Variants in EPN2 observed in about 807,000 individuals in gnomAD.
EPN2 encodes the protein epsin-2.
Under a neutral mutation model 61.7 loss-of-function variants are expected in EPN2, and 34 were observed. That is an observed-to-expected ratio of 0.55 (90% CI 0.42 to 0.73). The LOEUF (loss-of-function observed/expected upper bound fraction) is 0.73, where lower values mean the gene tolerates loss of function less well. EPN2 is among the 30% of genes least tolerant of loss of function. The pLI is 0.00. For missense variants in EPN2, 714 were observed against 839.2 expected (o/e 0.85, Z 1.84); for synonymous variants, 349 against 353.6 (o/e 0.99, Z 0.15).
At chr17:19,294,660 C>T (rs1240245322) in intron 4 of EPN2, among the ~76,000 whole-genome samples, 1 of 152,188 alleles carries the variant, frequency 6.6e-6, no homozygotes, top group African/African-American at 2.4e-5. Context: ...AAGGCAGTTC[C>T]TCATTTTGAC....
Position 19,329,616 on chromosome 17 carries a change from A to G in EPN2, c.1380A>G (p.Glu460=), listed in dbSNP as rs1379798379. The change falls in exon 9 of 11, where the codon GAA becomes GAG. Residue 460 remains glutamate (E), a synonymous_variant. Transcript: ENST00000314728. ...LNGTIKDDFS[E]FDNLRTSKKT... The stretch of plus-strand genomic sequence containing the variant: ...GTACAATTAAAGATGACTTTTCTGA[A>G]TTTGACAACCTTCGGACTTCAAAAA... 3 of 1,613,070 alleles carry G rather than the reference A, an allele frequency of 1.9e-6. No homozygotes were observed. The highest frequency in any genetic ancestry group is 2.5e-6 in the Non-Finnish European group (3 of 1,179,202).
intron 7 of EPN2, among the ~76,000 whole-genome samples, chr17:19,322,132 G>A (rs966527376): frequency 1.8e-4 from 28 of 152,224 alleles, no homozygotes; most frequent in African/African-American, 6.8e-4. Context: ...AAGACGAGGA[G>A]TGAAGTGTCA....
intron 7 of EPN2, among the ~76,000 whole-genome samples, chr17:19,324,481 G>C (rs1318013957): frequency 1.3e-5 from 2 of 152,156 alleles, no homozygotes; most frequent in Admixed American, 6.6e-5. Context: ...CTACGGGCAT[G>C]TGCTACCACG....
intron 1 of EPN2, among the ~76,000 whole-genome samples, chr17:19,242,962 A>C (rs950948344): frequency 6.6e-6 from 1 of 152,210 alleles, no homozygotes; most frequent in Non-Finnish European, 1.5e-5. Context: ...TTGGCTTCAA[A>C]GGCCATGTGG....
intron 1 of EPN2, among the ~76,000 whole-genome samples, chr17:19,240,947 G>A (rs1251477450): frequency 6.6e-6 from 1 of 152,186 alleles, no homozygotes; most frequent in Non-Finnish European, 1.5e-5. Context: ...CACTGTTGCT[G>A]AAATCACTAC....
intron 9 of EPN2, 75 bp downstream of exon 9, chr17:19,329,722 A>C: frequency 1.1e-6 from 1 of 907,118 alleles, no homozygotes; most frequent in Admixed American, 2.1e-5. Context: ...AATAATAATC[A>C]GCTTTCAAAA....
At chr17:19,301,815 A>G (rs1598008182) in intron 4 of EPN2, among the ~76,000 whole-genome samples, 1 of 151,714 alleles carries the variant, frequency 6.6e-6, no homozygotes, top group African/African-American at 2.4e-5. Flanking sequence ...TCCTTTTTAG[A>G]TTTGTTTATG....
At chr17:19,321,850 C>T (rs1247873870) in intron 7 of EPN2, among the ~76,000 whole-genome samples, 1 of 152,132 alleles carries the variant, frequency 6.6e-6, no homozygotes, top group Non-Finnish European at 1.5e-5. Flanking sequence ...TCACCGCAGT[C>T]CTGAAGTCAC....
chr17:19,261,903 A>G (rs2045145301), intron 1 of EPN2, among the ~76,000 whole-genome samples: 1 of 152,112 alleles, frequency 6.6e-6, no homozygotes. Flanking sequence ...TAACAGTTTT[A>G]TTGGCTGGGA....
intron 4 of EPN2, among the ~76,000 whole-genome samples, chr17:19,298,241 C>G (rs1375063313): frequency 1.3e-5 from 2 of 152,154 alleles, no homozygotes; most frequent in African/African-American, 4.8e-5. Context: ...GTTGTCCAGG[C>G]TGGAGTGCAA....
chr17:19,327,041 A>G, intron 7 of EPN2, among the ~76,000 whole-genome samples: 1 of 152,176 alleles, frequency 6.6e-6, no homozygotes, highest in East Asian at 1.9e-4. Context: ...AATACTAAGC[A>G]TCAGAGAGGT....
At chr17:19,244,427 C>G (rs969097724) in intron 1 of EPN2, among the ~76,000 whole-genome samples, 1 of 151,404 alleles carries the variant, frequency 6.6e-6, no homozygotes, top group Non-Finnish European at 1.5e-5. Context: ...CCACTACACT[C>G]CAGACTGTGT....
chr17:19,301,365 A>T (rs1905509573), intron 4 of EPN2, among the ~76,000 whole-genome samples: 1 of 152,064 alleles, frequency 6.6e-6, no homozygotes, highest in South Asian at 2.1e-4. Context: ...TTTACGGGGG[A>T]CCCAGTTCTG....
chr17:19,321,165 C>T (rs1037388724), intron 7 of EPN2, among the ~76,000 whole-genome samples: 1 of 152,114 alleles, frequency 6.6e-6, no homozygotes, highest in Non-Finnish European at 1.5e-5. Flanking sequence ...AGCAAGTGCC[C>T]CACATACAGT....
intron 7 of EPN2, among the ~76,000 whole-genome samples, chr17:19,322,243 C>T (rs530226182): frequency 6.6e-6 from 1 of 152,258 alleles, no homozygotes; most frequent in East Asian, 1.9e-4. Context: ...CAGGAGTGGA[C>T]AGGCCATGAG....
At chr17:19,289,046 A>AT (rs2045432053) in intron 4 of EPN2, among the ~76,000 whole-genome samples, 1 of 143,176 alleles carries the variant, frequency 7.0e-6, no homozygotes, top group South Asian at 2.2e-4. Context: ...GGCTGCAGAA[A>AT]TCTGGGCAGT....
intron 7 of EPN2, among the ~76,000 whole-genome samples, chr17:19,323,223 GA>G (rs1788055625): frequency 6.6e-6 from 1 of 152,168 alleles, no homozygotes; most frequent in Non-Finnish European, 1.5e-5. Flanking sequence ...TCAAGGGGGG[GA>G]TTCCAGAGGA....
In EPN2 at chr17:19,334,114, G is replaced by A. The variant is rs538093457; in HGVS notation, c.1786G>A (p.Ala596Thr). The change falls in exon 11 of 11, where the codon GCG becomes ACG. Residue 596 changes from alanine (A) to threonine (T), a missense_variant. Ala to Thr is a moderately conservative substitution (Grantham distance 58, BLOSUM62 0). Coordinates refer to ENST00000314728, the MANE Select transcript of EPN2 (RefSeq NM_014964.5). The surrounding 1 kb of genome is among the most constrained non-coding windows in gnomAD (Gnocchi z 4.9). Reference protein sequence around the residue: ...ESMAVASMTSAAPQPALGATG... With the variant: ...ESMAVASMTSTAPQPALGATG... ...CATGGCTGTGGCCTCGATGACCTCC[G>A]CGGCCCCACAGCCAGCTCTGGGGGC... 93 of 1,607,966 alleles carry A rather than the reference G, an allele frequency of 5.8e-5. 1 individual carries two copies. The South Asian group carries it at 7.0e-4, about 12-fold the overall frequency.
intron 10 of EPN2, 43 bp from the exon 11 acceptor site, chr17:19,333,913 C>T: frequency 6.7e-7 from 1 of 1,492,216 alleles, no homozygotes; most frequent in Non-Finnish European, 9.0e-7. Flanking sequence ...CAGAAAGCCA[C>T]ACCCTGACGG....
Sources: gnomAD v4.1 joint callset for allele counts (sites outside exome capture counted in the v4.1 genomes callset) on GRCh38, gnomAD v4.1.1 for gene constraint, Gnocchi (gnomAD v3.1) non-coding constraint, MANE v1.5 for transcripts, NCBI Gene and HGNC (gene_info 2026-07-23, HGNC 2026-07-21) for gene names.